The following ANXA4 variants were observed in gnomAD, a reference collection of about 807,000 sequenced individuals.
ANXA4 encodes annexin A4.
ANXA4 carries 39 observed loss-of-function variants against 49.8 expected under a neutral mutation model. The ratio of observed to expected loss-of-function variants is 0.78; its 90% CI spans 0.61 to 1.02. The LOEUF (loss-of-function observed/expected upper bound fraction) is 1.02. Ranked by LOEUF, ANXA4 falls within the 50% of genes least tolerant of loss-of-function variation. ANXA4 has a pLI of 0.00. For synonymous variants in ANXA4, 134 were observed against 152.5 expected (o/e 0.88, Z 0.89); for missense variants, 360 against 410.1 (o/e 0.88, Z 1.05).
chr2:69,653,308 G>A (rs933041430), intron 2 of ANXA4: 1 of 152,230 alleles, frequency 6.6e-6, no homozygotes, highest in Non-Finnish European at 1.5e-5. Flanking sequence ...GAGAATAAAT[G>A]TGAAGTATGC....
intron 2 of ANXA4, among the ~76,000 whole-genome samples, chr2:69,675,676 T>G (rs916019043): frequency 6.6e-6 from 1 of 152,100 alleles, no homozygotes; most frequent in Admixed American, 6.6e-5. Flanking sequence ...GAGTTGTTGT[T>G]TAACAGGAGA....
chr2:69,655,628 A>G (rs1167471413), intron 2 of ANXA4, among the ~76,000 whole-genome samples: 3 of 152,144 alleles, frequency 2.0e-5, no homozygotes, highest in Non-Finnish European at 4.4e-5. Flanking sequence ...GGCGATTCCA[A>G]AAGGATCTAG....
rs529458930 is a variant in ANXA4 at position 69,735,238 on chromosome 2, C to T, written n.864+14367C>T. Among the ~76,000 whole-genome samples the T allele has an allele frequency of 2.0e-5, 3 of 152,286 alleles. No homozygotes were observed. In the East Asian group the frequency reaches 5.8e-4, roughly 29 times the overall value. On this transcript the variant is annotated intron_variant and non_coding_transcript_variant, in intron 3 of 3. Transcript: ENST00000418066. ...CTGAGGAGGTAAGGAAGTATATACA[C>T]AAGTAACAATGCTATCTTAAAGATT...
intron 1 of ANXA4, among the ~76,000 whole-genome samples, chr2:69,762,968 A>G (rs1282968425): frequency 6.6e-6 from 1 of 152,114 alleles, no homozygotes; most frequent in Non-Finnish European, 1.5e-5. Flanking sequence ...ACATTATCTC[A>G]TGACCATCCT....
intron 3 of ANXA4, among the ~76,000 whole-genome samples, chr2:69,790,024 C>G (rs1318602351): frequency 1.3e-5 from 2 of 152,190 alleles, no homozygotes; most frequent in East Asian, 3.8e-4. Flanking sequence ...TTCCCCCTCC[C>G]TTTCTGTGCT....
chr2:69,679,985 C>G (rs913653141), intron 2 of ANXA4, among the ~76,000 whole-genome samples: 1 of 152,298 alleles, frequency 6.6e-6, no homozygotes, highest in African/African-American at 2.4e-5. Context: ...TTTGGCTCTT[C>G]AAGCTCTTTT....
At chr2:69,667,833 G>T (rs960458185) in intron 2 of ANXA4, among the ~76,000 whole-genome samples, 10 of 152,308 alleles carry the variant, frequency 6.6e-5, no homozygotes, top group Middle Eastern at 3.4e-3. Context: ...GTTGATCTTG[G>T]CTGGGCTCTC....
chr2:69,713,362 T>G (rs1678740224), intron 2 of ANXA4, among the ~76,000 whole-genome samples: 1 of 152,044 alleles, frequency 6.6e-6, no homozygotes. Context: ...AAGCGATATG[T>G]GGATGATAAG....
At chr2:69,704,469 G>A (rs920465921) in intron 2 of ANXA4, among the ~76,000 whole-genome samples, 4 of 152,118 alleles carry the variant, frequency 2.6e-5, no homozygotes, top group African/African-American at 4.8e-5. Flanking sequence ...GGGCCAACTC[G>A]GTTTATTTCT....
At chr2:69,718,746 T>C (rs180924869) in intron 2 of ANXA4, among the ~76,000 whole-genome samples, 36 of 148,630 alleles carry the variant, frequency 2.4e-4, no homozygotes, top group African/African-American at 7.5e-4. Flanking sequence ...TGCACACACA[T>C]ACATGCATAC....
chr2:69,750,715 A>G (rs896132472), intron 1 of ANXA4, among the ~76,000 whole-genome samples: 1 of 152,154 alleles, frequency 6.6e-6, no homozygotes, highest in African/African-American at 2.4e-5. Context: ...TGCCTGACCT[A>G]GCTCTGTTTT....
intron 3 of ANXA4, among the ~76,000 whole-genome samples, chr2:69,790,431 T>G (rs1672637953): frequency 6.6e-6 from 1 of 152,104 alleles, no homozygotes; most frequent in Non-Finnish European, 1.5e-5. Flanking sequence ...TGAAGCTTGA[T>G]GGTTTCTAAG....
intron 3 of ANXA4, among the ~76,000 whole-genome samples, chr2:69,730,316 A>G (rs1670063885): frequency 6.6e-6 from 1 of 152,236 alleles, no homozygotes; most frequent in East Asian, 1.9e-4. Context: ...AGCCTGGCCA[A>G]CATGAGGAAA....
At chr2:69,794,522 A>G (rs13427793) in intron 3 of ANXA4, among the ~76,000 whole-genome samples, 9,376 of 126,256 alleles carry the variant, frequency 0.074, 377 homozygotes, top group East Asian at 0.097. Flanking sequence ...GTTATGTTAT[A>G]TTATGTTATG....
chr2:69,729,035 G>A (rs1053980741), intron 3 of ANXA4, among the ~76,000 whole-genome samples: 2 of 152,030 alleles, frequency 1.3e-5, no homozygotes, highest in East Asian at 1.9e-4. Context: ...TCTTTTTTGA[G>A]ATGGAGTCTG....
chr2:69,674,579 G>A (rs1163813784), intron 2 of ANXA4, among the ~76,000 whole-genome samples: 1 of 152,166 alleles, frequency 6.6e-6, no homozygotes, highest in Non-Finnish European at 1.5e-5. Context: ...GAAGGAACAT[G>A]TACCTAATGT....
chr2:69,699,571 C>T (rs1203481294), intron 2 of ANXA4, among the ~76,000 whole-genome samples: 2 of 152,012 alleles, frequency 1.3e-5, no homozygotes, highest in African/African-American at 4.8e-5. Context: ...TGAGCCCAGG[C>T]TGCAGTGAGC....
chr2:69,660,974 G>A lies in ANXA4; in HGVS notation n.766+7692G>A, dbSNP rs371711916. 7.2e-5 allele frequency among the ~76,000 whole-genome samples: 11 copies of A among 152,082 alleles called. No homozygotes were observed. The East Asian group carries it at 1.4e-3, about 19-fold the overall frequency. On this transcript the variant is annotated intron_variant and non_coding_transcript_variant, in intron 2 of 3. Transcript: ENST00000418066. ...ATAAGTCCTAAAAGCATAGAGAAAA[G>A]CAAATCCACATATAGCTACATTTAC...
chr2:69,648,895 T>C (rs1483910714), intron 1 of ANXA4, among the ~76,000 whole-genome samples: 21 of 147,492 alleles, frequency 1.4e-4, no homozygotes, highest in Non-Finnish European at 2.7e-4. Context: ...TTTCTTTTTT[T>C]TTTTTTTTGA....
Sources: gnomAD v4.1 joint callset for allele counts (sites outside exome capture counted in the v4.1 genomes callset) on GRCh38, gnomAD v4.1.1 for gene constraint, MANE v1.5 for transcripts, NCBI Gene and HGNC (gene_info 2026-07-23, HGNC 2026-07-21) for gene names.